INTS6: variants seen among roughly 807,000 people sequenced by gnomAD.
The protein encoded by INTS6 is DEAD box protein.
A neutral mutation model predicts 104.9 loss-of-function variants in INTS6; 16 were observed. The ratio of observed to expected loss-of-function variants is 0.15; its 90% confidence interval spans 0.10 to 0.23. The LOEUF (loss-of-function observed/expected upper bound fraction) is 0.23, where lower values mean the gene tolerates loss of function less well. INTS6 is among the 10% of genes least tolerant of loss of function. The pLI is 1.00. For missense variants in INTS6, 584 were observed against 1,062.8 expected, an observed-to-expected ratio of 0.55 and a Z score of 6.26; for synonymous variants, 324 against 358.7, an observed-to-expected ratio of 0.90 and a Z score of 1.09.
chr13:51,398,938 G>T (rs1956387798), intron 4 of INTS6, among the ~76,000 whole-genome samples: 1 of 152,060 alleles, frequency 6.6e-6, no homozygotes, highest in African/African-American at 2.4e-5. Context: ...ATACATATAA[G>T]AACATATATC....
At position 51,452,835 on chromosome 13, in the gene INTS6, TC is replaced by T. The variant is rs1403185206; in HGVS notation, c.-311del. The T allele has an allele frequency of 6.9e-6, 8 of 1,158,424 alleles. No individual in the cohort carries two copies. The highest frequency in any genetic ancestry group is 7.5e-6 in the Non-Finnish European group (7 of 933,348). The allele number at this position is 1,158,424 out of a possible 1,614,324, so 71.8% of individuals were successfully genotyped here. A position where few individuals can be genotyped will look rare whatever the true frequency, so the allele number is the denominator to read the frequency against. On this transcript the variant is annotated 5_prime_UTR_variant, in exon 1 of 18. Transcript: ENST00000311234. The surrounding 1 kb of genome is among the most constrained non-coding windows in gnomAD (Gnocchi z 4.2). ...CCCGCCTCGGGGGTCCCGTCCCCGC[TC>T]CCGGCCCCTGTGTGTGTCCCAGCGG...
chr13:51,375,397 A>C (rs1188983447), intron 13 of INTS6, among the ~76,000 whole-genome samples: 1 of 151,030 alleles, frequency 6.6e-6, no homozygotes, highest in African/African-American at 2.4e-5. Flanking sequence ...TGAAAGATGT[A>C]TCTCTTCTCT....
At chr13:51,347,031 G>T in the INTS6 span, 1 of 1,577,668 alleles carries the variant, frequency 6.3e-7, no homozygotes, top group Non-Finnish European at 8.6e-7. Flanking sequence ...GCAGGTGGGG[G>T]CCCCAGTGAG....
chr13:51,440,147 A>T (rs1359982773), intron 3 of INTS6: 1 of 152,106 alleles, frequency 6.6e-6, no homozygotes, highest in African/African-American at 2.4e-5. Flanking sequence ...GATACTCAGG[A>T]GGCTGAGGCG....
At chr13:51,399,773 T>C (rs1956403345) in intron 4 of INTS6, among the ~76,000 whole-genome samples, 1 of 152,092 alleles carries the variant, frequency 6.6e-6, no homozygotes, top group African/African-American at 2.4e-5. Context: ...CCCTGATGTT[T>C]ATGGAAGTGG....
At chr13:51,357,911 C>T (rs978069260), downstream of INTS6, among the ~76,000 whole-genome samples, 1 of 152,034 alleles carries the variant, frequency 6.6e-6, no homozygotes, top group African/African-American at 2.4e-5. Flanking sequence ...AATCTCTGCT[C>T]GGTAAGAAGT....
At position 51,452,255 on chromosome 13, in the gene INTS6, C is replaced by T; in HGVS notation, c.111+160G>A. ...GAGCCCGGGCCCCGGCCGAACCCGG[C>T]TCGCAGCGCCCGCCCGCCCGCGCGG... On this transcript the variant is annotated intron_variant, in intron 1 of 17. Coordinates refer to ENST00000311234, the MANE Select transcript of INTS6 (RefSeq NM_012141.3). The surrounding 1 kb of genome is among the most constrained non-coding windows in gnomAD (Gnocchi z 4.2). 1.3e-6 allele frequency: 1 copy of T among 777,512 alleles called. No homozygotes were observed. The highest frequency in any genetic ancestry group is 1.7e-6 in the Non-Finnish European group (1 of 593,904). 48.2% of individuals were successfully genotyped at this position (777,512 alleles called of 1,614,324 possible).
At chr13:51,399,620 T>A (rs1191847677) in intron 4 of INTS6, among the ~76,000 whole-genome samples, 1 of 152,342 alleles carries the variant, frequency 6.6e-6, no homozygotes, top group South Asian at 2.1e-4. Context: ...TTTATACTCC[T>A]ACTAGCAGCG....
rs777904659 is a variant in INTS6 at position 51,369,156 on chromosome 13, C to T, written c.2259G>A (p.Glu753=). The T allele has an allele frequency of 1.9e-6, 3 of 1,613,864 alleles. No homozygotes were observed. The highest frequency in any genetic ancestry group is 1.1e-5 in the South Asian group (1 of 91,080). Residue 753 remains glutamate (E), a synonymous_variant, in exon 16 of 18, where the codon GAG becomes GAA. Transcript: ENST00000311234. ...SLLERPTNHM[E]ALGHDHLGTN... is the part of the protein sequence containing the mutation. Reference sequence around the variant, plus strand: ...TTCCTAAATGGTCATGACCAAGAGCCTCCATATGATTGGTTGGCCGTTCCA... The same window carrying T: ...TTCCTAAATGGTCATGACCAAGAGCTTCCATATGATTGGTTGGCCGTTCCA...
chr13:51,445,352 C>T (rs887786286), intron 3 of INTS6: 1 of 151,900 alleles, frequency 6.6e-6, no homozygotes, highest in Non-Finnish European at 1.5e-5. Flanking sequence ...ACATATACTT[C>T]GTGATACTAA....
intron 15 of INTS6, among the ~76,000 whole-genome samples, chr13:51,371,815 A>C (rs1955813311): frequency 6.6e-6 from 1 of 152,076 alleles, no homozygotes; most frequent in Non-Finnish European, 1.5e-5. Context: ...CTCGGAAGAA[A>C]AGCAAAGCCA....
downstream of INTS6, among the ~76,000 whole-genome samples, chr13:51,353,411 C>T (rs1345386666): frequency 2.0e-5 from 3 of 152,162 alleles, no homozygotes; most frequent in African/African-American, 4.8e-5. Flanking sequence ...CCTACAAACA[C>T]GCATTACAAT....
chr13:51,396,254 T>A (rs1379159146), intron 4 of INTS6, among the ~76,000 whole-genome samples: 2 of 152,182 alleles, frequency 1.3e-5, no homozygotes, highest in Non-Finnish European at 2.9e-5. Context: ...AGATAAACAA[T>A]CTCAAAGCAT....
chr13:51,437,631 T>A (rs915981694), intron 3 of INTS6: 10 of 152,186 alleles, frequency 6.6e-5, no homozygotes, highest in African/African-American at 2.4e-4. Flanking sequence ...GGAAAAAAAA[T>A]TCATGAAAAG....
intron 4 of INTS6, among the ~76,000 whole-genome samples, chr13:51,412,936 A>T (rs904947213): frequency 5.3e-5 from 8 of 152,244 alleles, no homozygotes; most frequent in South Asian, 4.1e-4. Flanking sequence ...AGTAGGTAAC[A>T]CTGAAATAAG....
intron 3 of INTS6, chr13:51,446,779 G>A (rs1050216660): frequency 6.6e-6 from 1 of 152,190 alleles, no homozygotes; most frequent in African/African-American, 2.4e-5. Context: ...AGAACATTAT[G>A]CTAAGTGAAA....
intron 12 of INTS6, 148 bp downstream of exon 12, chr13:51,378,091 G>C (rs1955968763): frequency 1.6e-6 from 1 of 621,016 alleles, no homozygotes; most frequent in Non-Finnish European, 2.9e-6. Context: ...AATTCTAGCA[G>C]TGACAGTATA....
chr13:51,383,731 G>A lies in INTS6; in HGVS notation c.905C>T (p.Thr302Ile). 6.2e-7 allele frequency: 1 copy of A among 1,607,566 alleles called. No individual in the cohort carries two copies. Among genetic ancestry groups the A allele is most frequent in the South Asian group, 1.1e-5 (1 of 89,834 alleles). ...DQNSPTLPPR[T>I]SHPVVKFSCT... ...GGAAAACTTCACTACAGGATGAGAT[G>A]TACGAGGTGGCTAAAGGGGAAAGTC... Residue 302 changes from threonine (T) to isoleucine (I), a missense_variant, in exon 8 of 18, where the codon ACA (threonine) becomes ATA (isoleucine). Thr to Ile is a moderately conservative substitution (Grantham distance 89). This residue lies in a region of INTS6 where 144 missense variants were observed against 348.7 expected (regional missense o/e 0.41). Coordinates refer to ENST00000311234, the MANE Select transcript of INTS6 (RefSeq NM_012141.3).
chr13:51,342,622 C>T, the INTS6 span, among the ~76,000 whole-genome samples: 2 of 152,154 alleles, frequency 1.3e-5, no homozygotes, highest in African/African-American at 4.8e-5. Flanking sequence ...AGCCAACTTA[C>T]TCTACTATTT....
Sources: allele counts gnomAD v4.1 joint callset (sites outside exome capture counted in the v4.1 genomes callset), GRCh38; gene constraint gnomAD v4.1.1; regional missense constraint gnomAD v4.1.1; non-coding constraint Gnocchi (gnomAD v3.1); transcripts MANE v1.5; gene names NCBI Gene and HGNC (gene_info 2026-07-23, HGNC 2026-07-21).